HACE1: variants seen among roughly 807,000 people sequenced by gnomAD.
The protein encoded by HACE1 is E3 ubiquitin-protein ligase HACE1.
Under a neutral mutation model 118.4 loss-of-function variants are expected in HACE1, and 73 were observed. The ratio of observed to expected loss-of-function variants is 0.62; its 90% CI spans 0.51 to 0.75. HACE1 has a LOEUF of 0.75. Ranked by LOEUF, HACE1 falls within the 30% of genes least tolerant of loss-of-function variation. The pLI is 0.00. For missense variants in HACE1, 749 were observed against 1,102.2 expected (o/e 0.68, Z 4.54); for synonymous variants, 368 against 374.8 (o/e 0.98, Z 0.21).
intron 18 of HACE1, among the ~76,000 whole-genome samples, chr6:104,771,638 T>A (rs1458587424): frequency 6.8e-6 from 1 of 147,536 alleles, no homozygotes; most frequent in Non-Finnish European, 1.5e-5. Flanking sequence ...ACTTCAAAAA[T>A]GCCAATTATC....
intron 1 of HACE1, 74 bp from the exon 2 acceptor site, chr6:104,852,445 A>G (rs572038271): frequency 1.1e-6 from 1 of 916,902 alleles, no homozygotes; most frequent in African/African-American, 1.6e-5. Flanking sequence ...TTAGTTTAGA[A>G]TTTTCCTAAC....
At chr6:104,803,083 C>T (rs1770569553) in intron 7 of HACE1, among the ~76,000 whole-genome samples, 1 of 152,170 alleles carries the variant, frequency 6.6e-6, no homozygotes, top group Non-Finnish European at 1.5e-5. Context: ...ATACTATAAA[C>T]ACCTCTATGC....
At position 104,750,325 on chromosome 6, in the gene HACE1, T is replaced by C; in HGVS notation, c.2343+16A>G. The C allele has an allele frequency of 1.2e-6, 2 of 1,607,106 alleles. No individual in the cohort carries two copies. Among genetic ancestry groups the C allele is most frequent in the Non-Finnish European group, 8.5e-7 (1 of 1,174,096 alleles). On this transcript the variant is annotated intron_variant, in intron 20 of 23. Transcript: ENST00000262903. The stretch of plus-strand genomic sequence containing the variant: ...TGTTGTTGTGTTACAACATAAGAAC[T>C]GATGTTTTTCCTTACCAATTCATAT...
At chr6:104,736,829 T>C (rs1251188205) in intron 22 of HACE1, among the ~76,000 whole-genome samples, 3 of 152,168 alleles carry the variant, frequency 2.0e-5, no homozygotes, top group Non-Finnish European at 2.9e-5. Flanking sequence ...TTTCTAACTA[T>C]ACAGTAAAAA....
intron 19 of HACE1, among the ~76,000 whole-genome samples, chr6:104,752,372 C>A (rs940754464): frequency 2.6e-5 from 4 of 152,110 alleles, no homozygotes; most frequent in East Asian, 1.9e-4. Context: ...AGCAGTGATA[C>A]CTGCATTAGC....
At chr6:104,819,380 A>G (rs1772449008) in intron 6 of HACE1, among the ~76,000 whole-genome samples, 1 of 152,234 alleles carries the variant, frequency 6.6e-6, no homozygotes, top group Non-Finnish European at 1.5e-5. Flanking sequence ...GATCAAAGAT[A>G]TCAGAGATGA....
chr6:104,831,668 C>T (rs565843273), intron 6 of HACE1, among the ~76,000 whole-genome samples: 4 of 151,558 alleles, frequency 2.6e-5, no homozygotes, highest in East Asian at 3.9e-4. Flanking sequence ...CCGAGGCAGG[C>T]GGATCATGAG....
chr6:104,852,534 T>C lies in HACE1; in HGVS notation c.77-163A>G, dbSNP rs563193196. On this transcript the variant is annotated intron_variant, in intron 1 of 23. Coordinates refer to ENST00000262903, the MANE Select transcript of HACE1 (RefSeq NM_020771.4). Reference sequence around the variant, plus strand: ...ACCAGAGGTATTTCAGAATTTACGATAGTGAAGAATCTTTCATCCCCTCCA... The same window carrying C: ...ACCAGAGGTATTTCAGAATTTACGACAGTGAAGAATCTTTCATCCCCTCCA... Among the ~76,000 whole-genome samples, 3 of 152,304 alleles carry C rather than the reference T, an allele frequency of 2.0e-5. No individual in the cohort carries two copies. In the East Asian group the frequency reaches 5.8e-4, roughly 29 times the overall value.
intron 22 of HACE1, among the ~76,000 whole-genome samples, chr6:104,742,632 G>C (rs1262799178): frequency 6.6e-6 from 1 of 151,022 alleles, no homozygotes; most frequent in Non-Finnish European, 1.5e-5. Flanking sequence ...ACACCAGTTA[G>C]AATGGCGATC....
chr6:104,790,161 TAA>T (rs975593031), intron 11 of HACE1, among the ~76,000 whole-genome samples: 3 of 152,150 alleles, frequency 2.0e-5, no homozygotes, highest in Admixed American at 2.0e-4. Flanking sequence ...CTGATTTTTT[TAA>T]AGAGAGTAAA....
intron 1 of HACE1, among the ~76,000 whole-genome samples, chr6:104,854,262 A>T (rs755974163): frequency 6.6e-6 from 1 of 152,248 alleles, no homozygotes; most frequent in African/African-American, 2.4e-5. Flanking sequence ...CTAAAGAAAC[A>T]TAACTAAAGG....
At chr6:104,740,596 C>T (rs1264942946) in intron 22 of HACE1, among the ~76,000 whole-genome samples, 3 of 151,500 alleles carry the variant, frequency 2.0e-5, no homozygotes, top group African/African-American at 4.8e-5. Flanking sequence ...TACACTCTCC[C>T]AAGACTAAAC....
intron 22 of HACE1, among the ~76,000 whole-genome samples, chr6:104,734,142 CAAA>C (rs11370746): frequency 8.0e-5 from 7 of 87,170 alleles, no homozygotes; most frequent in Admixed American, 2.7e-4. Context: ...GACTCTTCCT[CAAA>C]AAAAAAAAAA....
chr6:104,809,756 C>A (rs71572236), intron 7 of HACE1, among the ~76,000 whole-genome samples: 17,685 of 149,922 alleles, frequency 0.12, 1,138 homozygotes, highest in Middle Eastern at 0.21. Context: ...TACTGCAGTA[C>A]TCTAGGCAAA....
chr6:104,741,348 T>C (rs1035889464), intron 22 of HACE1, among the ~76,000 whole-genome samples: 1 of 149,262 alleles, frequency 6.7e-6, no homozygotes, highest in Non-Finnish European at 1.5e-5. Flanking sequence ...GGTATTCAAT[T>C]AGGAAAAGAG....
chr6:104,763,479 C>A (rs1481276622), intron 19 of HACE1, among the ~76,000 whole-genome samples: 1 of 152,202 alleles, frequency 6.6e-6, no homozygotes, highest in Non-Finnish European at 1.5e-5. Context: ...ACTATCTCAG[C>A]CACCCGTGTA....
intron 19 of HACE1, among the ~76,000 whole-genome samples, chr6:104,760,651 C>T (rs1779247245): frequency 6.6e-6 from 1 of 152,152 alleles, no homozygotes; most frequent in South Asian, 2.1e-4. Flanking sequence ...TAAGGATGTC[C>T]TCTCTCACCA....
At chr6:104,750,893 T>C (rs1420109004) in intron 19 of HACE1, among the ~76,000 whole-genome samples, 2 of 152,212 alleles carry the variant, frequency 1.3e-5, no homozygotes, top group Non-Finnish European at 2.9e-5. Flanking sequence ...TATGTGTATA[T>C]ACACATAGAT....
intron 6 of HACE1, among the ~76,000 whole-genome samples, chr6:104,823,431 CAA>C (rs767639076): frequency 5.4e-5 from 6 of 110,654 alleles, no homozygotes; most frequent in Non-Finnish European, 5.7e-5. Context: ...GACTCTGTCT[CAA>C]AAAAAAAAAA....
Sources: gnomAD v4.1 joint callset for allele counts (sites outside exome capture counted in the v4.1 genomes callset) on GRCh38, gnomAD v4.1.1 for gene constraint, MANE v1.5 for transcripts, NCBI Gene and HGNC (gene_info 2026-07-23, HGNC 2026-07-21) for gene names.